CADPS2: variants seen among roughly 807,000 people sequenced by gnomAD.
CADPS2 encodes calcium-dependent secretion activator 2.
Under a neutral mutation model 172.5 loss-of-function variants are expected in CADPS2, and 93 were observed. The observed-to-expected ratio is 0.54, with a 90% CI of 0.46 to 0.64. The LOEUF is 0.64. Among genes scored for constraint, CADPS2 ranks in the 30% least tolerant of loss-of-function variants. The pLI, the probability that CADPS2 is intolerant of heterozygous loss-of-function variation, is 0.00. For missense variants in CADPS2, 1,420 were observed against 1,565.9 expected, an observed-to-expected ratio of 0.91 and a Z score of 1.57; for synonymous variants, 546 against 555.2, an observed-to-expected ratio of 0.98 and a Z score of 0.23.
chr7:122,399,615 G>A (rs1347262656), intron 20 of CADPS2, among the ~76,000 whole-genome samples: 1 of 139,788 alleles, frequency 7.2e-6, no homozygotes, highest in Non-Finnish European at 1.5e-5. Context: ...GGGAATGATT[G>A]AGTACAGCTA....
At chr7:122,392,664 AT>A in intron 22 of CADPS2, among the ~76,000 whole-genome samples, 1 of 152,294 alleles carries the variant, frequency 6.6e-6, no homozygotes, top group Non-Finnish European at 1.5e-5. Context: ...CAACTATATA[AT>A]AAAAGAACAA....
chr7:122,645,747 T>C (rs2078478409), intron 3 of CADPS2, among the ~76,000 whole-genome samples: 1 of 144,258 alleles, frequency 6.9e-6, no homozygotes, highest in South Asian at 2.2e-4. Context: ...ACAAGTTCAC[T>C]GTGCTTACTG....
intron 2 of CADPS2, among the ~76,000 whole-genome samples, chr7:122,706,723 T>C (rs975293173): frequency 1.4e-5 from 2 of 147,668 alleles, no homozygotes; most frequent in African/African-American, 4.9e-5. Context: ...CATATATATG[T>C]ATATATACTT....
At chr7:122,758,496 T>A (rs1453528456) in intron 1 of CADPS2, among the ~76,000 whole-genome samples, 1 of 152,180 alleles carries the variant, frequency 6.6e-6, no homozygotes, top group Non-Finnish European at 1.5e-5. Flanking sequence ...TAAAGCACCA[T>A]GATTATGTGA....
chr7:122,858,987 C>T (rs558642158), intron 1 of CADPS2, among the ~76,000 whole-genome samples: 2 of 152,260 alleles, frequency 1.3e-5, no homozygotes, highest in African/African-American at 4.8e-5. Context: ...GGGAACAGGG[C>T]CTGAGGGCCA....
intron 3 of CADPS2, among the ~76,000 whole-genome samples, chr7:122,653,206 A>C (rs1460828043): frequency 6.6e-6 from 1 of 152,190 alleles, no homozygotes; most frequent in Non-Finnish European, 1.5e-5. Flanking sequence ...CTGACTCTTA[A>C]GCAAGCAACA....
At chr7:122,593,648 C>G (rs1037209863) in intron 6 of CADPS2, among the ~76,000 whole-genome samples, 5 of 151,824 alleles carry the variant, frequency 3.3e-5, no homozygotes, top group African/African-American at 9.7e-5. Context: ...TAATATCTAC[C>G]TGAAAAAATT....
At chr7:122,638,446 A>T (rs1281964514) in intron 3 of CADPS2, among the ~76,000 whole-genome samples, 1 of 152,166 alleles carries the variant, frequency 6.6e-6, no homozygotes, top group East Asian at 1.9e-4. Context: ...GGGGAACACA[A>T]AGCTCTCCTA....
intron 3 of CADPS2, among the ~76,000 whole-genome samples, chr7:122,641,825 C>T (rs2134530513): frequency 6.8e-6 from 1 of 147,990 alleles, no homozygotes; most frequent in South Asian, 2.1e-4. Context: ...TCAGTAACTA[C>T]AAAAGTTGTG....
chr7:122,621,570 G>A lies in CADPS2; in HGVS notation c.1015C>T (p.Arg339Cys), dbSNP rs1193063771. Residue 339 changes from arginine to cysteine, a missense_variant, in exon 5 of 30, where the codon CGT becomes TGT. Physicochemically the swap from Arg to Cys is radical, Grantham distance 180 (BLOSUM62 -3). Coordinates refer to ENST00000449022, the MANE Select transcript of CADPS2 (RefSeq NM_017954.11). Reference sequence around the variant, plus strand: ...TCCAAAAATGCAGAGTTCTGTGAACGTTTTAATTTTTGTAATTTAAATTCC... The same window carrying A: ...TCCAAAAATGCAGAGTTCTGTGAACATTTTAATTTTTGTAATTTAAATTCC... The part of the protein sequence containing the change: ...GPEFKLQKLK[R>C]SQNSAFLDIG... 1.5e-5 allele frequency: 25 copies of A among 1,613,610 alleles called. No homozygotes were observed. The highest frequency in any genetic ancestry group is 1.6e-4 in the Middle Eastern group (1 of 6,080).
intron 1 of CADPS2, among the ~76,000 whole-genome samples, chr7:122,781,685 A>G (rs1792776971): frequency 6.6e-6 from 1 of 152,166 alleles, no homozygotes; most frequent in African/African-American, 2.4e-5. Context: ...ATACAAGAAT[A>G]TATTTCTAAA....
chr7:122,719,827 TATC>T (rs1355941309), intron 2 of CADPS2, among the ~76,000 whole-genome samples: 1 of 151,658 alleles, frequency 6.6e-6, no homozygotes, highest in African/African-American at 2.4e-5. Context: ...AAGGAAAAAA[TATC>T]ATCATTTATG....
chr7:122,409,741 G>A, intron 19 of CADPS2: 1 of 413,396 alleles, frequency 2.4e-6, no homozygotes, highest in Non-Finnish European at 5.2e-6. Flanking sequence ...TCTCTTTCTT[G>A]CCATCCCACC....
chr7:122,807,575 T>G (rs1799058984), intron 1 of CADPS2, among the ~76,000 whole-genome samples: 1 of 152,188 alleles, frequency 6.6e-6, no homozygotes, highest in African/African-American at 2.4e-5. Context: ...TTGCTATTAA[T>G]ATAACAAAAT....
chr7:122,451,753 T>G (rs1252517544), intron 14 of CADPS2, among the ~76,000 whole-genome samples: 1 of 152,122 alleles, frequency 6.6e-6, no homozygotes. Flanking sequence ...TCCTTGAAAA[T>G]GGCAGTGAAA....
At chr7:122,684,663 C>T (rs1196283476) in intron 2 of CADPS2, among the ~76,000 whole-genome samples, 5 of 151,908 alleles carry the variant, frequency 3.3e-5, no homozygotes, top group Admixed American at 6.6e-5. Flanking sequence ...TCAAAAAAAC[C>T]TTTCACTTGA....
At chr7:122,797,497 C>T (rs1257668471) in intron 1 of CADPS2, among the ~76,000 whole-genome samples, 1 of 152,122 alleles carries the variant, frequency 6.6e-6, no homozygotes, top group Non-Finnish European at 1.5e-5. Context: ...TACATATACC[C>T]CATGGAACAG....
intron 22 of CADPS2, among the ~76,000 whole-genome samples, chr7:122,389,450 T>C (rs989461324): frequency 1.3e-5 from 2 of 152,112 alleles, no homozygotes; most frequent in Middle Eastern, 3.4e-3. Flanking sequence ...TTCACTATTA[T>C]GGTAAAATTA....
At chr7:122,735,277 T>A (rs570470855) in intron 2 of CADPS2, among the ~76,000 whole-genome samples, 13 of 152,274 alleles carry the variant, frequency 8.5e-5, no homozygotes, top group Admixed American at 6.5e-4. Flanking sequence ...GTTTTACTCT[T>A]GGGATTGCAT....
Sources: allele counts gnomAD v4.1 joint callset (sites outside exome capture counted in the v4.1 genomes callset), GRCh38; gene constraint gnomAD v4.1.1; transcripts MANE v1.5; gene names NCBI Gene and HGNC (gene_info 2026-07-23, HGNC 2026-07-21).